The following GBF1 variants were observed in gnomAD, a reference collection of about 807,000 sequenced individuals.
The protein encoded by GBF1 is Golgi-specific brefeldin A-resistance guanine nucleotide exchange factor 1.
Under a neutral mutation model 210.5 loss-of-function variants are expected in GBF1, and 114 were observed. The observed-to-expected ratio is 0.54, with a 90% CI of 0.47 to 0.63. The LOEUF is 0.63. Among genes scored for constraint, GBF1 ranks in the 30% least tolerant of loss-of-function variants. GBF1 has a pLI of 0.00. For missense variants in GBF1, 1,851 were observed against 2,357.7 expected (o/e 0.79, Z 4.45); for synonymous variants, 850 against 889.2 (o/e 0.96, Z 0.78).
At position 102,370,400 on chromosome 10, in the gene GBF1, C is replaced by A; in HGVS notation, c.3428C>A (p.Thr1143Lys). 1 of 1,607,808 alleles carries A rather than the reference C, an allele frequency of 6.2e-7. No homozygotes were observed. Among genetic ancestry groups the A allele is most frequent in the Non-Finnish European group, 8.5e-7 (1 of 1,174,128 alleles). Reference sequence around the variant, plus strand: ...CCCCTTCAGGCTCTGGTCTCAGTGACACCAGATGAAGAGACATATGATGAG... The same window carrying A: ...CCCCTTCAGGCTCTGGTCTCAGTGAAACCAGATGAAGAGACATATGATGAG... ...QELMKALVSV[T>K]PDEETYDEED... Residue 1143 changes from threonine to lysine, a missense_variant, in exon 28 of 40, where the codon ACA becomes AAA. By Grantham distance (78) the Thr-to-Lys change is moderately conservative (BLOSUM62 -1). This residue lies in a region of GBF1 where 967 missense variants were observed against 1,247.7 expected (regional missense o/e 0.78). Coordinates refer to ENST00000369983, the MANE Select transcript of GBF1 (RefSeq NM_001377137.1).
chr10:102,298,664 C>T (rs1021806459), intron 3 of GBF1, among the ~76,000 whole-genome samples: 1 of 152,144 alleles, frequency 6.6e-6, no homozygotes, highest in South Asian at 2.1e-4. Flanking sequence ...TCATTGAGTT[C>T]CCCCAAGGAT....
At chr10:102,305,857 G>T (rs1222285821) in intron 3 of GBF1, among the ~76,000 whole-genome samples, 1 of 152,182 alleles carries the variant, frequency 6.6e-6, no homozygotes, top group East Asian at 1.9e-4. Context: ...ATACAAACAT[G>T]ATCACTTTAA....
rs763513442 is a variant in GBF1, at chr10:102,376,618, C to T, written c.4106C>T (p.Pro1369Leu). ...GGGCCCAGCCGCCCAGGCCCTTCAC[C>T]CCTGATCAATCAATACAGCCTAACA... ...KPGPSRPGPSPLINQYSLTVG... is the reference protein window; with the variant it reads ...KPGPSRPGPSLLINQYSLTVG... The change falls in exon 32 of 40, where the codon CCC becomes CTC. Residue 1369 changes from proline to leucine, a missense_variant. Transcript: ENST00000369983. The T allele has an allele frequency of 6.2e-7, 1 of 1,613,758 alleles. No homozygotes were observed. The highest frequency in any genetic ancestry group is 1.7e-5 in the Admixed American group (1 of 60,020).
chr10:102,246,723 A>G (rs1419036878), intron 1 of GBF1, among the ~76,000 whole-genome samples: 2 of 152,240 alleles, frequency 1.3e-5, no homozygotes, highest in African/African-American at 2.4e-5. Flanking sequence ...ATGACCTTTG[A>G]TAAACTGCTG....
intron 3 of GBF1, among the ~76,000 whole-genome samples, chr10:102,328,665 T>C (rs888564762): frequency 1.5e-4 from 23 of 152,174 alleles, no homozygotes; most frequent in Non-Finnish European, 3.2e-4. Context: ...AGGTTACTTA[T>C]CAGTCCTGTT....
At chr10:102,253,654 C>T (rs1210536297) in intron 1 of GBF1, among the ~76,000 whole-genome samples, 7 of 152,102 alleles carry the variant, frequency 4.6e-5, no homozygotes, top group African/African-American at 1.7e-4. Flanking sequence ...GCTGGGACTA[C>T]AGGCACATGC....
At chr10:102,263,370 G>C (rs367779800) in intron 3 of GBF1, among the ~76,000 whole-genome samples, 8 of 152,314 alleles carry the variant, frequency 5.3e-5, no homozygotes, top group African/African-American at 1.9e-4. Flanking sequence ...TAGATTGGAG[G>C]AGGGATAGCA....
At chr10:102,304,022 G>A (rs1303841665) in intron 3 of GBF1, among the ~76,000 whole-genome samples, 1 of 151,948 alleles carries the variant, frequency 6.6e-6, no homozygotes, top group Non-Finnish European at 1.5e-5. Context: ...ATTGCCTTTA[G>A]AGAGCACATA....
chr10:102,360,974 C>CAAA (rs375688888), intron 12 of GBF1, 48 bp from the exon 13 acceptor site: 6,991 of 687,300 alleles, frequency 0.01, no homozygotes, highest in South Asian at 0.016. Context: ...AACTCCGCCT[C>CAAA]AAAAAAAAAA....
At chr10:102,327,418 G>A (rs2056988290) in intron 3 of GBF1, among the ~76,000 whole-genome samples, 1 of 152,162 alleles carries the variant, frequency 6.6e-6, no homozygotes, top group Non-Finnish European at 1.5e-5. Context: ...ATTTAGTCAA[G>A]AGAAACAAAC....
At chr10:102,231,223 G>A in the GBF1 span, 8 of 988,862 alleles carry the variant, frequency 8.1e-6, no homozygotes, top group Non-Finnish European at 1.1e-5. Flanking sequence ...GAGGTGGCTA[G>A]AGACGGGGTG....
intron 3 of GBF1, among the ~76,000 whole-genome samples, chr10:102,335,528 C>A (rs1053336696): frequency 6.6e-6 from 1 of 152,276 alleles, no homozygotes; most frequent in East Asian, 1.9e-4. Context: ...CAGGCTGAAC[C>A]GTGAGATAGG....
At chr10:102,296,472 C>T (rs1265271563) in intron 3 of GBF1, among the ~76,000 whole-genome samples, 2 of 152,104 alleles carry the variant, frequency 1.3e-5, no homozygotes, top group South Asian at 2.1e-4. Flanking sequence ...AGGCCAGACG[C>T]GGTGGCTCAC....
chr10:102,231,641 T>G, the GBF1 span: 1 of 1,612,406 alleles, frequency 6.2e-7, no homozygotes. Flanking sequence ...TCGCGCGTGC[T>G]CATGTCGGGG....
At chr10:102,276,696 T>C (rs2075014851) in intron 3 of GBF1, among the ~76,000 whole-genome samples, 1 of 152,006 alleles carries the variant, frequency 6.6e-6, no homozygotes, top group Non-Finnish European at 1.5e-5. Context: ...ATGGGTTGTG[T>C]GCATGTAGTA....
chr10:102,329,455 T>A (rs949710588), intron 3 of GBF1, among the ~76,000 whole-genome samples: 9 of 152,244 alleles, frequency 5.9e-5, no homozygotes, highest in Non-Finnish European at 1.0e-4. Flanking sequence ...GGTTGAGTTT[T>A]AAAATTTTTT....
chr10:102,276,491 A>C (rs1034842785), intron 3 of GBF1, among the ~76,000 whole-genome samples: 1 of 147,996 alleles, frequency 6.8e-6, no homozygotes, highest in Non-Finnish European at 1.5e-5. Context: ...GCACCACTGC[A>C]CTCCAGCCTG....
intron 13 of GBF1, 180 bp downstream of exon 13, chr10:102,361,300 G>A: frequency 1.7e-6 from 1 of 581,234 alleles, no homozygotes; most frequent in Non-Finnish European, 3.1e-6. Context: ...AAGTTAAAAG[G>A]AGACCAAAGG....
intron 8 of GBF1, among the ~76,000 whole-genome samples, chr10:102,356,759 T>A (rs1472441042): frequency 7.0e-5 from 9 of 128,140 alleles, no homozygotes; most frequent in Non-Finnish European, 1.3e-4. Context: ...ACAGTGAGAC[T>A]CTGTCTCAAA....
Sources: gnomAD v4.1 joint callset for allele counts (sites outside exome capture counted in the v4.1 genomes callset) on GRCh38, gnomAD v4.1.1 for gene constraint, gnomAD v4.1.1 regional missense constraint, MANE v1.5 for transcripts, NCBI Gene and HGNC (gene_info 2026-07-23, HGNC 2026-07-21) for gene names.